TNFRSF8: variants seen among roughly 807,000 people sequenced by gnomAD.
TNFRSF8 encodes tumor necrosis factor receptor superfamily member 8.
Under a neutral mutation model 70.8 loss-of-function variants are expected in TNFRSF8, and 26 were observed. The ratio of observed to expected loss-of-function variants is 0.37; its 90% confidence interval spans 0.27 to 0.51. The LOEUF (loss-of-function observed/expected upper bound fraction) is 0.51, where lower values mean the gene tolerates loss of function less well. TNFRSF8 is among the 20% of genes least tolerant of loss of function. The probability of loss-of-function intolerance (pLI) is 0.94; values close to 1 mark genes in which losing one functional copy is unlikely to be tolerated. For synonymous variants in TNFRSF8, 356 were observed against 339.2 expected, an observed-to-expected ratio of 1.05 and a Z score of -0.54; for missense variants, 720 against 807.9, an observed-to-expected ratio of 0.89 and a Z score of 1.32.
At position 12,144,162 on chromosome 1, in the gene TNFRSF8, A is replaced by C. The variant is rs955273108; in HGVS notation, c.*1631A>C. 1 of 152,258 alleles carries C rather than the reference A, an allele frequency of 6.6e-6. No homozygotes were observed. Among genetic ancestry groups the C allele is most frequent in the African/African-American group, 2.4e-5 (1 of 41,464 alleles). 9.4% of individuals were successfully genotyped at this position (152,258 alleles called of 1,614,324 possible). On this transcript the variant is annotated 3_prime_UTR_variant, in exon 15 of 15. Transcript: ENST00000263932. ...TTCCTTACCTAGTGGCCCTTCACAC[A>C]ACTTTTGAATCTCTAAAAATCCATA...
chr1:12,084,506 T>G lies in TNFRSF8; in HGVS notation c.106T>G (p.Tyr36Asp). 1 of 1,613,912 alleles carries G rather than the reference T, an allele frequency of 6.2e-7. No individual in the cohort carries two copies. Among genetic ancestry groups the G allele is most frequent in the Non-Finnish European group, 8.5e-7 (1 of 1,179,930 alleles). ...EDTCHGNPSH[Y>D]YDKAVRRCCY... The stretch of plus-strand genomic sequence containing the variant: ...CACCTGTCATGGAAACCCCAGCCAC[T>G]ACTATGACAAGGCTGTCAGGAGGTG... Residue 36 changes from tyrosine (Y) to aspartate (D), a missense_variant, in exon 2 of 15, where the codon TAC becomes GAC. By Grantham distance (160) the Tyr-to-Asp change is radical. Transcript: ENST00000263932.
Position 12,112,938 on chromosome 1 carries a change from G to C in TNFRSF8, c.793+924G>C, listed in dbSNP as rs1033702534. Among the ~76,000 whole-genome samples, 7 of 152,258 alleles carry C rather than the reference G, an allele frequency of 4.6e-5. No homozygotes were observed. The highest frequency in any genetic ancestry group is 1.7e-4 in the African/African-American group (7 of 41,476). On this transcript the variant is annotated intron_variant, in intron 7 of 14. Coordinates refer to ENST00000263932, the MANE Select transcript of TNFRSF8 (RefSeq NM_001243.5). The surrounding 1 kb of genome is among the most constrained non-coding windows in gnomAD (Gnocchi z 5.3). ...AGAGCTGCTTTTGGGCAGCAAAGCA[G>C]AGTGAAGGGTCAGGGGAGGCCAAAA...
chr1:12,125,229 A>G (rs1288412220), intron 10 of TNFRSF8, among the ~76,000 whole-genome samples: 1 of 152,206 alleles, frequency 6.6e-6, no homozygotes, highest in Non-Finnish European at 1.5e-5. Context: ...GTAAGTGACA[A>G]AAGGGAAAAA....
intron 14 of TNFRSF8, among the ~76,000 whole-genome samples, chr1:12,140,716 C>T (rs1008308682): frequency 5.9e-5 from 9 of 152,208 alleles, no homozygotes; most frequent in Admixed American, 6.5e-5. Flanking sequence ...CCTGGGGACT[C>T]CTGCCCATTT....
At chr1:12,101,791 C>A (rs1051920465) in intron 3 of TNFRSF8, among the ~76,000 whole-genome samples, 2 of 152,122 alleles carry the variant, frequency 1.3e-5, no homozygotes, top group African/African-American at 4.8e-5. Context: ...CCTGTCTTAG[C>A]CTCTCAAGTA....
chr1:12,124,197 C>T (rs528290620), intron 10 of TNFRSF8, among the ~76,000 whole-genome samples: 2 of 151,916 alleles, frequency 1.3e-5, no homozygotes, highest in South Asian at 2.1e-4. Context: ...TTAGTAGAGA[C>T]GGGGTTTTGC....
chr1:12,108,384 G>A lies in TNFRSF8; in HGVS notation c.422-1182G>A, dbSNP rs1390326278. On this transcript the variant is annotated intron_variant, in intron 4 of 14. Coordinates refer to ENST00000263932, the MANE Select transcript of TNFRSF8 (RefSeq NM_001243.5). The surrounding 1 kb of genome is among the most constrained non-coding windows in gnomAD (Gnocchi z 4.0). Reference sequence around the variant, plus strand: ...TGAGCCACCGTGCCTGGCGACATACGGGTCACCTTCTAAGTGTTGGGATGG... The same window carrying A: ...TGAGCCACCGTGCCTGGCGACATACAGGTCACCTTCTAAGTGTTGGGATGG... Among the ~76,000 whole-genome samples, 1 of 151,942 alleles carries A rather than the reference G, an allele frequency of 6.6e-6. No individual in the cohort carries two copies. The highest frequency in any genetic ancestry group is 1.5e-5 in the Non-Finnish European group (1 of 67,996).
At chr1:12,089,029 C>T (rs1241661964) in intron 2 of TNFRSF8, among the ~76,000 whole-genome samples, 1 of 152,218 alleles carries the variant, frequency 6.6e-6, no homozygotes, top group African/African-American at 2.4e-5. Context: ...CCTCTGCATT[C>T]CTCAGGGTCC....
chr1:12,065,155 T>C (rs1640716566), intron 1 of TNFRSF8, among the ~76,000 whole-genome samples: 1 of 142,922 alleles, frequency 7.0e-6, no homozygotes, highest in Admixed American at 7.5e-5. Flanking sequence ...CGATCTCGGC[T>C]CACTGCAACC....
chr1:12,080,507 T>C, intron 1 of TNFRSF8: 1 of 499,754 alleles, frequency 2.0e-6, no homozygotes, highest in Middle Eastern at 6.9e-4. Flanking sequence ...GTGGTCGAGC[T>C]TGTTTCTCCT....
rs529558822 is a variant in TNFRSF8, at chr1:12,109,729, C to T, written c.512+73C>T. 3.2e-5 allele frequency: 42 copies of T among 1,322,730 alleles called. No individual in the cohort carries two copies. The highest frequency in any genetic ancestry group is 7.2e-5 in the African/African-American group (5 of 69,478). The allele number at this position is 1,322,730 out of a possible 1,614,324, so 81.9% of individuals were successfully genotyped here. A position where few individuals can be genotyped will look rare whatever the true frequency, so the allele number is the denominator to read the frequency against. ...GATGAGGCTGCCCCACCCCACAGGA[C>T]GCCCATGGTACAACTGGGCTGGGGG... On this transcript the variant is annotated intron_variant, in intron 5 of 14. Transcript: ENST00000263932. This position sits in a 1 kb window ranked among gnomAD's most constrained non-coding sequence, Gnocchi z 4.4.
At chr1:12,118,313 ATT>A (rs1392885408) in intron 8 of TNFRSF8, among the ~76,000 whole-genome samples, 1 of 151,662 alleles carries the variant, frequency 6.6e-6, no homozygotes, top group African/African-American at 2.4e-5. Flanking sequence ...GTTTCACCAC[ATT>A]GGTCAGGCTG....
chr1:12,140,977 T>C (rs1642242381), intron 14 of TNFRSF8, among the ~76,000 whole-genome samples: 1 of 152,154 alleles, frequency 6.6e-6, no homozygotes, highest in Admixed American at 6.5e-5. Context: ...TGGGGAGTGC[T>C]GAGGCCCTGC....
In TNFRSF8 at chr1:12,126,019, C is replaced by T. The variant is rs1557601364; in HGVS notation, c.1222C>T (p.His408Tyr). 6.2e-7 allele frequency: 1 copy of T among 1,614,160 alleles called. No individual in the cohort carries two copies. ...VVGSSAFLLC[H>Y]RRACRKRIRQ... Reference sequence around the variant, plus strand: ...CGGCTCCAGCGCCTTCCTCCTGTGCCACCGGAGGGCCTGCAGGAAGCGAAT... The same window carrying T: ...CGGCTCCAGCGCCTTCCTCCTGTGCTACCGGAGGGCCTGCAGGAAGCGAAT... The change falls in exon 11 of 15, where the codon CAC becomes TAC. Residue 408 changes from histidine to tyrosine, a missense_variant. Physicochemically the swap from His to Tyr is moderately conservative, Grantham distance 83 (BLOSUM62 2). Coordinates refer to ENST00000263932, the MANE Select transcript of TNFRSF8 (RefSeq NM_001243.5).
rs1016922948 is a variant in TNFRSF8 at position 12,138,493 on chromosome 1, T to C, written c.1543+57T>C. The C allele has an allele frequency of 3.3e-6, 5 of 1,516,256 alleles. No homozygotes were observed. The highest frequency in any genetic ancestry group is 1.4e-5 in the African/African-American group (1 of 72,290). 93.9% of individuals were successfully genotyped at this position (1,516,256 alleles called of 1,614,324 possible). On this transcript the variant is annotated intron_variant, in intron 14 of 14. Transcript: ENST00000263932. The surrounding 1 kb of genome is among the most constrained non-coding windows in gnomAD (Gnocchi z 5.7). ...AGCCCAGGGGCAGATGGGAGATGAA[T>C]ACGGGGCCCTGGGCCCTGGAAGGGA... is the stretch of plus-strand genomic sequence containing the variant.
intron 1 of TNFRSF8, among the ~76,000 whole-genome samples, chr1:12,079,912 A>G (rs1326927360): frequency 6.9e-6 from 1 of 145,350 alleles, no homozygotes; most frequent in African/African-American, 2.5e-5. Context: ...ACTTATCACT[A>G]CTTTATTTTT....
At chr1:12,065,040 G>A (rs916436474) in intron 1 of TNFRSF8, among the ~76,000 whole-genome samples, 7 of 148,234 alleles carry the variant, frequency 4.7e-5, no homozygotes, top group Non-Finnish European at 8.9e-5. Flanking sequence ...GCTGGAGTGC[G>A]ATCATAACTC....
intron 1 of TNFRSF8, among the ~76,000 whole-genome samples, chr1:12,081,472 C>T (rs1641061435): frequency 6.6e-6 from 1 of 152,054 alleles, no homozygotes. Flanking sequence ...GAGAGGCTCC[C>T]AGGAGCCCTC....
rs1311849726 is a variant in TNFRSF8, at chr1:12,141,278, AG to A, written c.1544-1008del. ...TGAGCTTCCCCATTCTGGCCTCCAG[AG>A]TCCAGCGCAGAACAGCTGGGAGCCA... On this transcript the variant is annotated intron_variant, in intron 14 of 14. Coordinates refer to ENST00000263932, the MANE Select transcript of TNFRSF8 (RefSeq NM_001243.5). The surrounding 1 kb of genome is among the most constrained non-coding windows in gnomAD (Gnocchi z 5.4). Among the ~76,000 whole-genome samples, 1 of 151,838 alleles carries A rather than the reference AG, an allele frequency of 6.6e-6. No individual in the cohort carries two copies. The highest frequency in any genetic ancestry group is 6.6e-5 in the Admixed American group (1 of 15,254).
Sources: allele counts gnomAD v4.1 joint callset (sites outside exome capture counted in the v4.1 genomes callset), GRCh38; gene constraint gnomAD v4.1.1; non-coding constraint Gnocchi (gnomAD v3.1); transcripts MANE v1.5; gene names NCBI Gene and HGNC (gene_info 2026-07-23, HGNC 2026-07-21).